The following IFT80 variants were observed in gnomAD, a reference collection of about 807,000 sequenced individuals.
IFT80 encodes the protein intraflagellar transport 80, also known as intraflagellar transport protein 80 homolog.
In IFT80, 79 loss-of-function variants were observed where a neutral mutation model predicts 107.9. The observed-to-expected ratio is 0.73, with a 90% confidence interval of 0.61 to 0.88. The LOEUF (loss-of-function observed/expected upper bound fraction) is 0.88. Ranked by LOEUF, IFT80 falls within the 40% of genes least tolerant of loss-of-function variation. IFT80 has a pLI of 0.00. For synonymous variants in IFT80, 299 were observed against 300.9 expected, an observed-to-expected ratio of 0.99 and a Z score of 0.07; for missense variants, 797 against 914.2, an observed-to-expected ratio of 0.87 and a Z score of 1.65.
At chr3:160,342,670 G>A (rs1052930626) in intron 8 of IFT80, 4 of 152,404 alleles carry the variant, frequency 2.6e-5, no homozygotes, top group Non-Finnish European at 4.4e-5. Flanking sequence ...GGAACAGGAT[G>A]TCTAAAAGGG....
At chr3:160,307,269 T>A (rs994905612) in intron 10 of IFT80, among the ~76,000 whole-genome samples, 2 of 152,114 alleles carry the variant, frequency 1.3e-5, no homozygotes, top group African/African-American at 4.8e-5. Context: ...AGTACCAGCC[T>A]CCTGAGAAGT....
At chr3:160,308,532 A>G (rs1333315020) in intron 9 of IFT80, among the ~76,000 whole-genome samples, 1 of 152,200 alleles carries the variant, frequency 6.6e-6, no homozygotes, top group Non-Finnish European at 1.5e-5. Flanking sequence ...CTGGTCAATA[A>G]AAGAATGGGA....
intron 10 of IFT80, among the ~76,000 whole-genome samples, chr3:160,304,737 T>C (rs904330372): frequency 6.6e-6 from 1 of 152,128 alleles, no homozygotes; most frequent in African/African-American, 2.4e-5. Context: ...GCCTGCCCAC[T>C]TGATCTTAAC....
chr3:160,316,785 G>GA lies in IFT80; in HGVS notation c.957+2974dup, dbSNP rs1296964578. On this transcript the variant is annotated intron_variant, in intron 9 of 19. Transcript: ENST00000326448. ...TGAGATTTCTCCTGGAATTACTAGG[G>GA]AAAAAAAAGCACTCTTTCCGCTGAA... Among the ~76,000 whole-genome samples the GA allele has an allele frequency of 3.3e-5, 5 of 151,860 alleles. No individual in the cohort carries two copies. The East Asian group carries it at 7.8e-4, about 24-fold the overall frequency.
rs763756618 is a variant in IFT80, at chr3:160,381,649, A to G, written c.113T>C (p.Val38Ala). ...LYSCSDDHQI[V>A]KWNLLTSETT... is the part of the protein sequence containing the mutation. The stretch of plus-strand genomic sequence containing the variant: ...TTCACTGGTTAACAAGTTCCACTTC[A>G]CTATCTGGTGATCATCACTACATGA... Residue 38 changes from valine to alanine, a missense_variant, in exon 3 of 20, where the codon GTG (valine) becomes GCG (alanine). Transcript: ENST00000326448. 2.2e-5 allele frequency: 35 copies of G among 1,612,412 alleles called. No individual in the cohort carries two copies. Among genetic ancestry groups the G allele is most frequent in the Non-Finnish European group, 2.4e-5 (28 of 1,179,928 alleles).
chr3:160,283,816 C>A (rs2108237005), intron 13 of IFT80, among the ~76,000 whole-genome samples: 1 of 152,336 alleles, frequency 6.6e-6, no homozygotes, highest in South Asian at 2.1e-4. Flanking sequence ...TCCCCCACTT[C>A]ATTCAGCAGG....
chr3:160,360,266 A>G (rs1280383188), intron 6 of IFT80, among the ~76,000 whole-genome samples: 2 of 152,224 alleles, frequency 1.3e-5, no homozygotes, highest in South Asian at 2.1e-4. Flanking sequence ...GTGATTGAAG[A>G]TCAAATTAAT....
At position 160,257,457 on chromosome 3, in the gene IFT80, T is replaced by C. The variant is rs1712456048; in HGVS notation, c.*1068A>G. 6.6e-6 allele frequency: 1 copy of C among 152,188 alleles called. No homozygotes were observed. The highest frequency in any genetic ancestry group is 1.5e-5 in the Non-Finnish European group (1 of 68,030). 9.4% of individuals were successfully genotyped at this position (152,188 alleles called of 1,614,324 possible). A position where few individuals can be genotyped will look rare whatever the true frequency, so the allele number is the denominator to read the frequency against. ...GGTAATAACTTTGGGATACACTAAA[T>C]AGAGTAATCAAACAAGTTTGTCACC... On this transcript the variant is annotated 3_prime_UTR_variant, in exon 20 of 20. Transcript: ENST00000326448.
intron 19 of IFT80, among the ~76,000 whole-genome samples, chr3:160,262,792 G>C (rs1049096132): frequency 2.0e-5 from 3 of 152,118 alleles, no homozygotes; most frequent in Non-Finnish European, 4.4e-5. Flanking sequence ...GTGTCAAAGA[G>C]ACATATTTTG....
chr3:160,381,477 G>A (rs768132638), intron 3 of IFT80, 26 bp downstream of exon 3: 1 of 1,500,346 alleles, frequency 6.7e-7, no homozygotes, highest in African/African-American at 1.4e-5. Flanking sequence ...ACAATGGCGA[G>A]CATATAATGT....
intron 8 of IFT80, among the ~76,000 whole-genome samples, chr3:160,345,062 C>T (rs910784709): frequency 2.0e-5 from 3 of 152,084 alleles, no homozygotes; most frequent in Non-Finnish European, 4.4e-5. Context: ...AATAAAGCTA[C>T]CATATGACCA....
At chr3:160,271,062 T>C (rs1472288336) in intron 18 of IFT80, among the ~76,000 whole-genome samples, 1 of 152,196 alleles carries the variant, frequency 6.6e-6, no homozygotes, top group Non-Finnish European at 1.5e-5. Flanking sequence ...AAGAATTATC[T>C]ATCATTGTCA....
At chr3:160,283,710 A>G (rs1468108713) in intron 13 of IFT80, among the ~76,000 whole-genome samples, 1 of 152,186 alleles carries the variant, frequency 6.6e-6, no homozygotes, top group African/African-American at 2.4e-5. Flanking sequence ...TATTCTTTTA[A>G]AAACACTGTT....
In IFT80 at chr3:160,384,125, A is replaced by G. The variant is rs528568182; in HGVS notation, c.37+439T>C. On this transcript the variant is annotated intron_variant, in intron 2 of 19. Coordinates refer to ENST00000326448, the MANE Select transcript of IFT80 (RefSeq NM_020800.3). The stretch of plus-strand genomic sequence containing the variant: ...CCGGGCATGTTGGCGGGTGCCTATA[A>G]TCTGAGCTGCTCAGGAGGCTGAGGC... 1.1e-4 allele frequency: 23 copies of G among 201,840 alleles called. No individual in the cohort carries two copies. In the South Asian group the frequency reaches 3.5e-3, roughly 31 times the overall value. 12.5% of individuals were successfully genotyped at this position (201,840 alleles called of 1,614,324 possible). A position where few individuals can be genotyped will look rare whatever the true frequency, so the allele number is the denominator to read the frequency against.
At chr3:160,278,585 C>T (rs1245014435) in intron 16 of IFT80, among the ~76,000 whole-genome samples, 5 of 152,078 alleles carry the variant, frequency 3.3e-5, no homozygotes, top group African/African-American at 1.2e-4. Flanking sequence ...CTTAACCTAC[C>T]CACATGTGTC....
intron 18 of IFT80, among the ~76,000 whole-genome samples, chr3:160,272,332 T>TA (rs546824901): frequency 2.6e-5 from 4 of 151,932 alleles, no homozygotes; most frequent in Non-Finnish European, 5.9e-5. Flanking sequence ...GTGGCTATGT[T>TA]AAAAAAAATT....
chr3:160,344,639 A>G (rs1253694972), intron 8 of IFT80, among the ~76,000 whole-genome samples: 1 of 152,186 alleles, frequency 6.6e-6, no homozygotes, highest in African/African-American at 2.4e-5. Flanking sequence ...GAGACAATCA[A>G]CAAAGTGAAC....
intron 14 of IFT80, among the ~76,000 whole-genome samples, chr3:160,281,173 T>C (rs1714661501): frequency 6.6e-6 from 1 of 152,192 alleles, no homozygotes; most frequent in African/African-American, 2.4e-5. Flanking sequence ...GTCACTCTTC[T>C]ACAGGGGACC....
At chr3:160,361,831 G>C (rs1721512906) in intron 6 of IFT80, among the ~76,000 whole-genome samples, 1 of 152,160 alleles carries the variant, frequency 6.6e-6, no homozygotes, top group African/African-American at 2.4e-5. Flanking sequence ...AAACCAATGA[G>C]AACAAAGACA....
Sources: gnomAD v4.1 joint callset for allele counts (sites outside exome capture counted in the v4.1 genomes callset) on GRCh38, gnomAD v4.1.1 for gene constraint, MANE v1.5 for transcripts, NCBI Gene and HGNC (gene_info 2026-07-23, HGNC 2026-07-21) for gene names.